The following LUZP2 variants were observed in gnomAD, a reference collection of about 807,000 sequenced individuals.
LUZP2 encodes the protein leucine zipper protein 2.
In LUZP2, 52 loss-of-function variants were observed where a neutral mutation model predicts 51.6. The ratio of observed to expected loss-of-function variants is 1.01; its 90% CI spans 0.81 to 1.27. LUZP2 has a LOEUF of 1.27. LUZP2 is among the 50% of genes most tolerant of loss of function. LUZP2 has a pLI of 0.00. For synonymous variants in LUZP2, 154 were observed against 137.3 expected (o/e 1.12, Z -0.85); for missense variants, 436 against 395.4 (o/e 1.10, Z -0.87).
At chr11:24,773,471 C>T (rs900018183) in intron 5 of LUZP2, among the ~76,000 whole-genome samples, 1 of 152,006 alleles carries the variant, frequency 6.6e-6, no homozygotes, top group African/African-American at 2.4e-5. Context: ...GGAACATAGC[C>T]CCAGGCTGGT....
At chr11:24,946,732 G>A (rs934861543) in intron 7 of LUZP2, among the ~76,000 whole-genome samples, 5 of 151,812 alleles carry the variant, frequency 3.3e-5, no homozygotes, top group Admixed American at 1.3e-4. Flanking sequence ...ATTTTAGAAT[G>A]TGCTGTATTG....
intron 9 of LUZP2, among the ~76,000 whole-genome samples, chr11:25,021,925 A>G (rs1857345253): frequency 6.6e-6 from 1 of 152,100 alleles, no homozygotes; most frequent in Non-Finnish European, 1.5e-5. Context: ...TTAAGCAGGC[A>G]TTAATGAGAC....
At chr11:24,610,126 C>T (rs1854071015) in intron 1 of LUZP2, among the ~76,000 whole-genome samples, 1 of 152,166 alleles carries the variant, frequency 6.6e-6, no homozygotes, top group Non-Finnish European at 1.5e-5. Flanking sequence ...CAAGTCTGCA[C>T]TGACTGAAGA....
At chr11:24,888,798 G>A (rs755697843) in intron 5 of LUZP2, among the ~76,000 whole-genome samples, 5 of 152,064 alleles carry the variant, frequency 3.3e-5, no homozygotes, top group Non-Finnish European at 7.4e-5. Context: ...CCCCCATGTT[G>A]TTCTCATGAT....
At chr11:25,052,917 A>C (rs1262088166) in intron 10 of LUZP2, among the ~76,000 whole-genome samples, 1 of 152,150 alleles carries the variant, frequency 6.6e-6, no homozygotes, top group Non-Finnish European at 1.5e-5. Context: ...AAGGACAAAA[A>C]GTAGGATATA....
chr11:24,681,980 G>A (rs1181471290), intron 1 of LUZP2, among the ~76,000 whole-genome samples: 1 of 152,142 alleles, frequency 6.6e-6, no homozygotes, highest in African/African-American at 2.4e-5. Context: ...TAGCCAGAAA[G>A]AAGAGTTCTT....
intron 5 of LUZP2, among the ~76,000 whole-genome samples, chr11:24,896,647 T>C (rs921533062): frequency 6.6e-6 from 1 of 152,178 alleles, no homozygotes; most frequent in Non-Finnish European, 1.5e-5. Context: ...CCCCGGTGCC[T>C]GGTCCCATGG....
rs552401852 is a variant in LUZP2, at chr11:24,528,605, A to G, written c.62+31300A>G. On this transcript the variant is annotated intron_variant, in intron 1 of 11. Transcript: ENST00000336930. ...ATGTGCCAGTGACTTGTCTGAGGAC[A>G]TGCTCACTCTTCATTAATCCTCATC... is the stretch of plus-strand genomic sequence containing the variant. Among the ~76,000 whole-genome samples, 38 of 151,312 alleles carry G rather than the reference A, an allele frequency of 2.5e-4. No individual in the cohort carries two copies. The South Asian group carries it at 3.1e-3, about 12-fold the overall frequency.
At chr11:24,616,298 C>G (rs942015066) in intron 1 of LUZP2, among the ~76,000 whole-genome samples, 1 of 152,012 alleles carries the variant, frequency 6.6e-6, no homozygotes, top group African/African-American at 2.4e-5. Flanking sequence ...TTCACCCCAC[C>G]TTTTCCCCTA....
intron 1 of LUZP2, among the ~76,000 whole-genome samples, chr11:24,667,193 T>TTC (rs1299532864): frequency 1.3e-5 from 2 of 149,558 alleles, no homozygotes; most frequent in Non-Finnish European, 3.0e-5. Context: ...TCTTTTTTTT[T>TTC]TTTTTTTTGA....
chr11:24,777,408 G>T (rs947001599), intron 5 of LUZP2, among the ~76,000 whole-genome samples: 12 of 151,952 alleles, frequency 7.9e-5, no homozygotes, highest in Admixed American at 7.2e-4. Flanking sequence ...AAACAAGTTG[G>T]AAAAATAGAA....
intron 1 of LUZP2, among the ~76,000 whole-genome samples, chr11:24,551,309 A>T (rs940450917): frequency 1.3e-5 from 2 of 152,082 alleles, no homozygotes; most frequent in Non-Finnish European, 2.9e-5. Context: ...CCTTGAACAC[A>T]TTATGCTAAG....
At chr11:24,910,593 G>A (rs1853596989) in intron 6 of LUZP2, among the ~76,000 whole-genome samples, 1 of 152,202 alleles carries the variant, frequency 6.6e-6, no homozygotes, top group Non-Finnish European at 1.5e-5. Flanking sequence ...CTTCCATGTG[G>A]TATTGAGCCT....
intron 5 of LUZP2, among the ~76,000 whole-genome samples, chr11:24,802,496 CATAAG>C (rs1279253958): frequency 6.6e-6 from 1 of 151,756 alleles, no homozygotes; most frequent in African/African-American, 2.4e-5. Flanking sequence ...CTGAAGTACA[CATAAG>C]ATAAAATTTA....
chr11:24,890,452 G>T (rs1354657264), intron 5 of LUZP2, among the ~76,000 whole-genome samples: 1 of 152,156 alleles, frequency 6.6e-6, no homozygotes, highest in Non-Finnish European at 1.5e-5. Flanking sequence ...TCTTAAACAA[G>T]TGGAATCACC....
At chr11:24,858,002 CT>C (rs776598420) in intron 5 of LUZP2, among the ~76,000 whole-genome samples, 4 of 151,882 alleles carry the variant, frequency 2.6e-5, no homozygotes, top group Admixed American at 1.3e-4. Context: ...CAGTTTCTTT[CT>C]TTTTTTTATT....
Position 24,692,747 on chromosome 11 carries a change from A to G in LUZP2, c.63-36422A>G, listed in dbSNP as rs187015651. Among the ~76,000 whole-genome samples the G allele has an allele frequency of 2.4e-3, 368 of 152,206 alleles. 3 individuals are homozygous for G. Among genetic ancestry groups the G allele is most frequent in the African/African-American group, 8.2e-3 (341 of 41,564 alleles). On this transcript the variant is annotated intron_variant, in intron 1 of 11. Coordinates refer to ENST00000336930, the MANE Select transcript of LUZP2 (RefSeq NM_001009909.4). ...TTTTTTCTTACACTATACATAATTA[A>G]GTAGAGGTTGACACAAATTAAACTA... is the stretch of plus-strand genomic sequence containing the variant.
intron 1 of LUZP2, among the ~76,000 whole-genome samples, chr11:24,584,776 A>G (rs1262999309): frequency 6.6e-6 from 1 of 152,190 alleles, no homozygotes; most frequent in East Asian, 1.9e-4. Flanking sequence ...ACAACTTCTA[A>G]GGAAAATTTA....
chr11:24,783,502 A>C (rs56181156), intron 5 of LUZP2, among the ~76,000 whole-genome samples: 3,265 of 152,160 alleles, frequency 0.021, 127 homozygotes, highest in African/African-American at 0.075. Flanking sequence ...TTATCAATTA[A>C]TACTGTTTCT....
Sources: allele counts gnomAD v4.1 joint callset (sites outside exome capture counted in the v4.1 genomes callset), GRCh38; gene constraint gnomAD v4.1.1; transcripts MANE v1.5; gene names NCBI Gene and HGNC (gene_info 2026-07-23, HGNC 2026-07-21).